Variants in CASK observed in about 807,000 individuals in gnomAD.
CASK encodes the protein calcium/calmodulin dependent serine protein kinase, also known as peripheral plasma membrane protein CASK.
Under a neutral mutation model 82.9 loss-of-function variants are expected in CASK, and 4 were observed. The ratio of observed to expected loss-of-function variants is 0.05; its 90% CI spans 0.02 to 0.11. The LOEUF (loss-of-function observed/expected upper bound fraction) is 0.11, where lower values mean the gene tolerates loss of function less well. Ranked by LOEUF, CASK falls within the 10% of genes least tolerant of loss-of-function variation. CASK has a pLI of 1.00. For missense variants in CASK, 358 were observed against 720.9 expected, an observed-to-expected ratio of 0.50 and a Z score of 5.76; for synonymous variants, 259 against 253.5, an observed-to-expected ratio of 1.02 and a Z score of -0.20.
intron 1 of CASK, among the ~76,000 whole-genome samples, chrX:41,873,177 C>G (rs1300941353): frequency 1.9e-5 from 2 of 106,224 alleles, no homozygotes; most frequent in Non-Finnish European, 3.8e-5. Flanking sequence ...GTAGTAGTAG[C>G]AGTAGTAGTC....
intron 3 of CASK, among the ~76,000 whole-genome samples, chrX:41,765,884 AG>A (rs1324120110): frequency 9.0e-6 from 1 of 111,566 alleles, no homozygotes. Flanking sequence ...TAAAGCAAGG[AG>A]AAAAAAAAGA....
At chrX:41,739,202 T>G (rs1476269418) in intron 5 of CASK, among the ~76,000 whole-genome samples, 182 bp downstream of exon 5, 1 of 112,095 alleles carries the variant, frequency 8.9e-6, no homozygotes, top group Non-Finnish European at 1.9e-5. Flanking sequence ...AAATTGAAAT[T>G]ATAGTGTTCC....
Position 41,739,378 on chromosome X carries a change from A to T in CASK, c.429+6T>A. 2.7e-6 allele frequency: 3 copies of T among 1,108,371 alleles called. No individual in the cohort carries two copies. The highest frequency in any genetic ancestry group is 3.7e-6 in the Non-Finnish European group (3 of 801,776). 91.3% of individuals were successfully genotyped at this position (1,108,371 alleles called of 1,213,427 possible). A position where few individuals can be genotyped will look rare whatever the true frequency, so the allele number is the denominator to read the frequency against. On this transcript the variant is annotated splice_donor_region_variant and intron_variant, in intron 5 of 26. Transcript: ENST00000378163. ...ACATTAAAGTTAGTGATAACAAATG[A>T]CTTACCTTCACATCCCTGTGAATTA...
chrX:41,546,616 C>T (rs1039300104), intron 21 of CASK, among the ~76,000 whole-genome samples: 3 of 110,159 alleles, frequency 2.7e-5, no homozygotes, highest in Non-Finnish European at 5.7e-5. Context: ...TACAGGTGTG[C>T]GCCACTACAC....
chrX:41,817,897 G>T (rs2070444873), intron 2 of CASK, among the ~76,000 whole-genome samples: 1 of 111,050 alleles, frequency 9.0e-6, no homozygotes, highest in Admixed American at 9.6e-5. Flanking sequence ...ACAAATAAAA[G>T]AATGATATTG....
At chrX:41,569,265 C>T (rs1215063359) in intron 16 of CASK, among the ~76,000 whole-genome samples, 2 of 111,022 alleles carry the variant, frequency 1.8e-5, no homozygotes, top group African/African-American at 6.6e-5. Context: ...TCGTGAGGCC[C>T]AGTGTAATTA....
chrX:41,594,749 AAAGCTATGTGGTAACCC>A (rs1207159205), intron 12 of CASK, among the ~76,000 whole-genome samples: 1 of 111,631 alleles, frequency 9.0e-6, no homozygotes, highest in African/African-American at 3.3e-5. Flanking sequence ...TCAGAAGTAA[AAAGCTATGTGGTAACCC>A]CTGGGGGCAG....
At chrX:41,607,033 C>T (rs2065973866) in intron 12 of CASK, among the ~76,000 whole-genome samples, 1 of 112,383 alleles carries the variant, frequency 8.9e-6, no homozygotes, top group Non-Finnish European at 1.9e-5. Flanking sequence ...CATTTTCAGT[C>T]CAACAGCTCC....
intron 1 of CASK, among the ~76,000 whole-genome samples, chrX:41,900,688 C>G (rs1270152577): frequency 1.3e-5 from 1 of 77,291 alleles, no homozygotes; most frequent in Non-Finnish European, 2.5e-5. Flanking sequence ...TCTATATTCT[C>G]TTTTAACTCA....
At chrX:41,533,227 CA>C (rs1336047747) in intron 24 of CASK, among the ~76,000 whole-genome samples, 1 of 112,205 alleles carries the variant, frequency 8.9e-6, no homozygotes, top group Non-Finnish European at 1.9e-5. Flanking sequence ...TTGACATCAT[CA>C]AAGGTAAGTT....
intron 25 of CASK, chrX:41,524,795 A>G (rs2064688711): frequency 9.0e-6 from 1 of 110,915 alleles, no homozygotes. Context: ...CTGCTAAGGG[A>G]TTACTGTTTC....
intron 11 of CASK, among the ~76,000 whole-genome samples, chrX:41,612,783 G>A (rs1444614655): frequency 2.2e-4 from 21 of 97,618 alleles, no homozygotes; most frequent in Admixed American, 6.3e-4. Context: ...CCGGCCAGCC[G>A]CCCCGTCTGG....
At chrX:41,784,842 C>G (rs1020833236) in intron 3 of CASK, among the ~76,000 whole-genome samples, 9 of 110,076 alleles carry the variant, frequency 8.2e-5, no homozygotes, top group African/African-American at 3.0e-4. Flanking sequence ...CGCCACTGCA[C>G]TCCAGCCTGG....
chrX:41,700,931 CAAAAAAA>C (rs1215266415), intron 5 of CASK, among the ~76,000 whole-genome samples: 4 of 37,128 alleles, frequency 1.1e-4, no homozygotes, highest in African/African-American at 2.3e-4. Context: ...GACTCCGTCT[CAAAAAAA>C]AAAAAAAAAA....
intron 17 of CASK, among the ~76,000 whole-genome samples, chrX:41,561,300 G>T (rs2065225290): frequency 9.0e-6 from 1 of 110,610 alleles, no homozygotes; most frequent in South Asian, 3.8e-4. Context: ...CATCTGCTTG[G>T]TAAGAAACAG....
Position 41,890,068 on chromosome X carries a change from C to T in CASK, c.59+32862G>A, listed in dbSNP as rs781206114. ...ACTACTTTACCTCACTATAATTCAT[C>T]AAATAGAGCCCAAGTACCCTTCAAA... On this transcript the variant is annotated intron_variant, in intron 1 of 26. Transcript: ENST00000378163. Among the ~76,000 whole-genome samples the T allele has an allele frequency of 6.3e-5, 7 of 111,605 alleles. No homozygotes were observed. In the East Asian group the frequency reaches 1.7e-3, roughly 27 times the overall value.
chrX:41,691,122 T>C (rs1247696523), intron 5 of CASK, among the ~76,000 whole-genome samples: 1 of 112,456 alleles, frequency 8.9e-6, no homozygotes, highest in African/African-American at 3.2e-5. Flanking sequence ...TACTGACAGA[T>C]TTGTCCAACT....
intron 14 of CASK, among the ~76,000 whole-genome samples, chrX:41,580,892 G>A (rs1489333102): frequency 8.9e-6 from 1 of 112,156 alleles, no homozygotes. Context: ...TTCACTTTTT[G>A]TACTATAGTA....
At chrX:41,875,490 T>C (rs2071796508) in intron 1 of CASK, among the ~76,000 whole-genome samples, 1 of 111,529 alleles carries the variant, frequency 9.0e-6, no homozygotes, top group African/African-American at 3.3e-5. Flanking sequence ...TGGGGCCATT[T>C]CACTTTCACC....
Sources: gnomAD v4.1 joint callset for allele counts (sites outside exome capture counted in the v4.1 genomes callset) on GRCh38, gnomAD v4.1.1 for gene constraint, MANE v1.5 for transcripts, NCBI Gene and HGNC (gene_info 2026-07-23, HGNC 2026-07-21) for gene names.